The following HLA-DPB1 variants were observed in gnomAD, a reference collection of about 807,000 sequenced individuals.
HLA-DPB1 encodes HLA class II histocompatibility antigen, DP beta 1 chain.
In HLA-DPB1, 30 loss-of-function variants were observed where a neutral mutation model predicts 29.4. The observed-to-expected ratio is 1.02, with a 90% CI of 0.76 to 1.38. The LOEUF (loss-of-function observed/expected upper bound fraction) is 1.38, where lower values mean the gene tolerates loss of function less well. Ranked by LOEUF, HLA-DPB1 falls within the 40% of genes most tolerant of loss-of-function variation. HLA-DPB1 has a pLI of 0.00. For synonymous variants in HLA-DPB1, 114 were observed against 134.0 expected (o/e 0.85, Z 1.03); for missense variants, 261 against 327.5 (o/e 0.80, Z 1.57).
In HLA-DPB1 at chr6:33,086,186, G is replaced by A. The variant is rs1005498227; in HGVS notation, c.758-33G>A. The stretch of plus-strand genomic sequence containing the variant: ...CTAATTATCTGAGGTGGTTTCAATG[G>A]CTGATTATATAACCTTTCGTCTTTC... On this transcript the variant is annotated intron_variant, in intron 4 of 5. Transcript: ENST00000418931. 29 of 1,527,422 alleles carry A rather than the reference G, an allele frequency of 1.9e-5. 1 individual carries two copies. The highest frequency in any genetic ancestry group is 2.6e-5 in the Non-Finnish European group (29 of 1,104,642). 94.6% of individuals were successfully genotyped at this position (1,527,422 alleles called of 1,614,324 possible).
intron 1 of HLA-DPB1, chr6:33,079,504 C>A: frequency 3.1e-6 from 1 of 326,652 alleles, no homozygotes; most frequent in Non-Finnish European, 6.0e-6. Context: ...AGAGGACCAA[C>A]AAGTTCATGA....
At chr6:33,084,308 G>C (rs1762998480) in intron 2 of HLA-DPB1, among the ~76,000 whole-genome samples, 1 of 152,150 alleles carries the variant, frequency 6.6e-6, no homozygotes, top group African/African-American at 2.4e-5. Context: ...GTGCTACAGA[G>C]TGCAAACTCT....
Position 33,080,552 on chromosome 6 carries a change from A to G in HLA-DPB1, c.101-120A>G. On this transcript the variant is annotated intron_variant, in intron 1 of 5. Transcript: ENST00000418931. The surrounding 1 kb of genome is among the most constrained non-coding windows in gnomAD (Gnocchi z 4.3). Reference sequence around the variant, plus strand: ...AGAACTCGGTACTAGGAAAACTCCTATTTTAAAATCCAGCCCTGGGTGGGA... The same window carrying G: ...AGAACTCGGTACTAGGAAAACTCCTGTTTTAAAATCCAGCCCTGGGTGGGA... 6.8e-7 allele frequency: 1 copy of G among 1,463,118 alleles called. No individual in the cohort carries two copies. The allele number at this position is 1,463,118 out of a possible 1,614,324, so 90.6% of individuals were successfully genotyped here.
rs959079666 is a variant in HLA-DPB1 at position 33,087,716 on chromosome 6, C to T, written c.*1182C>T. ...TCCCCTTGCAAATAATATCTTCCAT[C>T]GGGGGACCGGCTTCCTCCAATTTCA... On this transcript the variant is annotated 3_prime_UTR_variant, in exon 6 of 6. Coordinates refer to ENST00000418931, the MANE Select transcript of HLA-DPB1 (RefSeq NM_002121.6). 6.6e-6 allele frequency among the ~76,000 whole-genome samples: 1 copy of T among 152,148 alleles called. No individual in the cohort carries two copies. Among genetic ancestry groups the T allele is most frequent in the Non-Finnish European group, 1.5e-5 (1 of 68,034 alleles).
At chr6:33,081,312 G>C in intron 2 of HLA-DPB1, 1 of 231,996 alleles carries the variant, frequency 4.3e-6, no homozygotes, top group Non-Finnish European at 8.2e-6. Context: ...TGGGTTTGAG[G>C]TGCTTGAGGG....
rs3749985 is a variant in HLA-DPB1 at position 33,086,656 on chromosome 6, G to C, written c.*122G>C. 10,304 of 478,812 alleles carry C rather than the reference G, an allele frequency of 0.022. 380 individuals are homozygous for C. The highest frequency in any genetic ancestry group is 0.082 in the African/African-American group (3,954 of 48,126). The allele number at this position is 478,812 out of a possible 1,614,324, so 29.7% of individuals were successfully genotyped here. On this transcript the variant is annotated 3_prime_UTR_variant, in exon 6 of 6. Transcript: ENST00000418931. ...CCAAATTGGATACTGCTGCCAAGAAGTTGCTCTGAAGTCAGTTTCTATCAT... is the reference window on the plus strand; with the variant it reads ...CCAAATTGGATACTGCTGCCAAGAACTTGCTCTGAAGTCAGTTTCTATCAT...
At chr6:33,076,683 G>A (rs1401685863) in intron 1 of HLA-DPB1, among the ~76,000 whole-genome samples, 1 of 152,160 alleles carries the variant, frequency 6.6e-6, no homozygotes, top group Non-Finnish European at 1.5e-5. Flanking sequence ...CTCATTAAAG[G>A]TACTTCTCCC....
chr6:33,087,084 A>G lies in HLA-DPB1; in HGVS notation c.*550A>G, dbSNP rs9277535. The G allele has an allele frequency of 0.24, 38,635 of 161,136 alleles. 5,260 individuals carry two copies. The highest frequency in any genetic ancestry group is 0.61 in the East Asian group (3,285 of 5,374). The allele number at this position is 161,136 out of a possible 1,614,324, so 10.0% of individuals were successfully genotyped here. A position where few individuals can be genotyped will look rare whatever the true frequency, so the allele number is the denominator to read the frequency against. ...ACTGCAAATCTGCCTGATAGGACCC[A>G]TATTCCCACAGCACTAATTCAACAT... On this transcript the variant is annotated 3_prime_UTR_variant, in exon 6 of 6. Coordinates refer to ENST00000418931, the MANE Select transcript of HLA-DPB1 (RefSeq NM_002121.6).
rs986041352 is a variant in HLA-DPB1, at chr6:33,087,487, A to G, written c.*953A>G. Among the ~76,000 whole-genome samples, 33 of 148,174 alleles carry G rather than the reference A, an allele frequency of 2.2e-4. No individual in the cohort carries two copies. Among genetic ancestry groups the G allele is most frequent in the Non-Finnish European group, 4.4e-4 (29 of 66,656 alleles). On this transcript the variant is annotated 3_prime_UTR_variant, in exon 6 of 6. Coordinates refer to ENST00000418931, the MANE Select transcript of HLA-DPB1 (RefSeq NM_002121.6). ...ACACCTTTTGGTCAAGGTAGAGGACATGTTTGTTGTAAGCTTTCTTTTTCG... is the reference window on the plus strand; with the variant it reads ...ACACCTTTTGGTCAAGGTAGAGGACGTGTTTGTTGTAAGCTTTCTTTTTCG...
chr6:33,081,754 T>C (rs1311661993), intron 2 of HLA-DPB1, among the ~76,000 whole-genome samples: 1 of 152,152 alleles, frequency 6.6e-6, no homozygotes, highest in Non-Finnish European at 1.5e-5. Context: ...TTTACTTGTC[T>C]TGGGTTCCCC....
rs781312046 is a variant in HLA-DPB1 at position 33,080,570 on chromosome 6, G to A, written c.101-102G>A. 6.5e-7 allele frequency: 1 copy of A among 1,549,974 alleles called. No individual in the cohort carries two copies. Among genetic ancestry groups the A allele is most frequent in the East Asian group, 2.3e-5 (1 of 44,058 alleles). On this transcript the variant is annotated intron_variant, in intron 1 of 5. Coordinates refer to ENST00000418931, the MANE Select transcript of HLA-DPB1 (RefSeq NM_002121.6). The surrounding 1 kb of genome is among the most constrained non-coding windows in gnomAD (Gnocchi z 4.3). ...AACTCCTATTTTAAAATCCAGCCCT[G>A]GGTGGGAAGATTTGGGAAGAATCGT...
chr6:33,086,337 A>C, intron 5 of HLA-DPB1, 95 bp downstream of exon 5: 1 of 995,590 alleles, frequency 1.0e-6, no homozygotes, highest in South Asian at 1.3e-5. Context: ...CCAGGAAGGG[A>C]ATCTCAGGCA....
intron 2 of HLA-DPB1, 170 bp downstream of exon 2, chr6:33,081,105 G>T: frequency 1.3e-6 from 1 of 763,670 alleles, no homozygotes. Flanking sequence ...GAGCGAGCGC[G>T]GGGACCTGGA....
intron 2 of HLA-DPB1, 27 bp from the exon 3 acceptor site, chr6:33,084,923 T>G (rs1227002588): frequency 8.6e-6 from 12 of 1,388,252 alleles, no homozygotes; most frequent in Non-Finnish European, 9.8e-6. Context: ...CAAATTCTAT[T>G]TCATTATTTT....
chr6:33,075,996 T>G lies in HLA-DPB1; in HGVS notation c.-46T>G. On this transcript the variant is annotated 5_prime_UTR_variant, in exon 1 of 6. Coordinates refer to ENST00000418931, the MANE Select transcript of HLA-DPB1 (RefSeq NM_002121.6). ...GGAGCTCCCTTTAGCGAGTCCTTCT[T>G]TTCCTGACTGCAGCTCTTTTCATTT... The G allele has an allele frequency of 1.4e-6, 2 of 1,463,988 alleles. No homozygotes were observed. The highest frequency in any genetic ancestry group is 1.9e-6 in the Non-Finnish European group (2 of 1,057,450). 90.7% of individuals were successfully genotyped at this position (1,463,988 alleles called of 1,614,324 possible).
In HLA-DPB1 at chr6:33,088,253, C is replaced by T. The variant is rs1482871592; in HGVS notation, c.*1719C>T. Among the ~76,000 whole-genome samples the T allele has an allele frequency of 6.6e-6, 1 of 152,226 alleles. No individual in the cohort carries two copies. The highest frequency in any genetic ancestry group is 1.5e-5 in the Non-Finnish European group (1 of 68,044). On this transcript the variant is annotated 3_prime_UTR_variant, in exon 6 of 6. Transcript: ENST00000418931. ...AGCACATAAATCCTACCCTCAGAGT[C>T]ACTGAGCAGTTAACATTACAAATTA...
intron 2 of HLA-DPB1, chr6:33,081,161 G>A (rs2150373560): frequency 1.8e-6 from 1 of 554,666 alleles, no homozygotes; most frequent in South Asian, 2.9e-5. Flanking sequence ...AGAGACCCCC[G>A]GGACTTCATC....
At chr6:33,078,491 C>A (rs932565894) in intron 1 of HLA-DPB1, among the ~76,000 whole-genome samples, 1 of 152,074 alleles carries the variant, frequency 6.6e-6, no homozygotes, top group African/African-American at 2.4e-5. Flanking sequence ...CTGAGACAAC[C>A]CATAGGGAGC....
At chr6:33,082,197 T>C (rs1350691948) in intron 2 of HLA-DPB1, 2 of 152,106 alleles carry the variant, frequency 1.3e-5, no homozygotes, top group Admixed American at 6.5e-5. Context: ...GGTGTTCAAA[T>C]AAAAATAACG....
Sources: gnomAD v4.1 joint callset for allele counts (sites outside exome capture counted in the v4.1 genomes callset) on GRCh38, gnomAD v4.1.1 for gene constraint, Gnocchi (gnomAD v3.1) non-coding constraint, MANE v1.5 for transcripts, NCBI Gene and HGNC (gene_info 2026-07-23, HGNC 2026-07-21) for gene names.